The following GRAMD1A variants were observed in gnomAD, a reference collection of about 807,000 sequenced individuals.
The protein encoded by GRAMD1A is GRAM domain containing 1A.
Under a neutral mutation model 92.0 loss-of-function variants are expected in GRAMD1A, and 50 were observed. That is an observed-to-expected ratio of 0.54 (90% CI 0.43 to 0.69). The LOEUF (loss-of-function observed/expected upper bound fraction) is 0.69. Ranked by LOEUF, GRAMD1A falls within the 30% of genes least tolerant of loss-of-function variation. The pLI, the probability that GRAMD1A is intolerant of heterozygous loss-of-function variation, is 0.00. For synonymous variants in GRAMD1A, 405 were observed against 403.6 expected (o/e 1.00, Z -0.04); for missense variants, 819 against 978.9 (o/e 0.84, Z 2.18).
At chr19:35,014,027 C>T (rs1439235311) in intron 9 of GRAMD1A, among the ~76,000 whole-genome samples, 162 bp from the exon 10 acceptor site, 1 of 152,172 alleles carries the variant, frequency 6.6e-6, no homozygotes, top group Non-Finnish European at 1.5e-5. Flanking sequence ...GAGGGGCCCT[C>T]ATCTGGGTGG....
At chr19:35,011,630 G>A (rs3746258) in intron 7 of GRAMD1A, 76 bp downstream of exon 7, 123,685 of 1,048,464 alleles carry the variant, frequency 0.12, 9,404 homozygotes, top group African/African-American at 0.35. Context: ...CAGAACTTGC[G>A]GAGCTGGAGG....
At chr19:35,006,037 A>T (rs2014789118) in intron 1 of GRAMD1A, 1 of 454,432 alleles carries the variant, frequency 2.2e-6, no homozygotes, top group Non-Finnish European at 4.4e-6. Context: ...AAATAAACCA[A>T]GCCCATGGCC....
At position 35,021,590 on chromosome 19, in the gene GRAMD1A, T is replaced by C; in HGVS notation, c.1564T>C (p.Tyr522His). Residue 522 changes from tyrosine (Y) to histidine (H), a missense_variant, in exon 14 of 20, where the codon TAT (tyrosine) becomes CAT (histidine). Tyr to His is a moderately conservative substitution (Grantham distance 83, BLOSUM62 2). Coordinates refer to ENST00000317991, the MANE Select transcript of GRAMD1A (RefSeq NM_020895.5). The surrounding 1 kb of genome is among the most constrained non-coding windows in gnomAD (Gnocchi z 5.3). Reference protein sequence around the residue: ...EKNSWSGIEDYFHHLERELAK... With the variant: ...EKNSWSGIEDHFHHLERELAK... Reference sequence around the variant, plus strand: ...GAACTCGTGGAGCGGCATTGAAGACTATTTCCACCATCTGGGTAGGGACAG... The same window carrying C: ...GAACTCGTGGAGCGGCATTGAAGACCATTTCCACCATCTGGGTAGGGACAG... 1 of 1,614,016 alleles carries C rather than the reference T, an allele frequency of 6.2e-7. No homozygotes were observed. Among genetic ancestry groups the C allele is most frequent in the Non-Finnish European group, 8.5e-7 (1 of 1,179,830 alleles).
intron 1 of GRAMD1A, among the ~76,000 whole-genome samples, chr19:34,995,002 G>A (rs2013971162): frequency 1.3e-5 from 2 of 152,216 alleles, no homozygotes; most frequent in Non-Finnish European, 2.9e-5. Context: ...CTGCGGTCTG[G>A]CCTCCCCAGA....
At chr19:34,998,299 T>A (rs865975679), upstream of GRAMD1A, 4 of 20,584 alleles carry the variant, frequency 1.9e-4, no homozygotes, top group Non-Finnish European at 3.9e-4. Flanking sequence ...ATTTTCTTCC[T>A]TTTTTTTTTT....
upstream of GRAMD1A, among the ~76,000 whole-genome samples, chr19:34,997,583 C>T (rs1420108217): frequency 1.3e-5 from 2 of 152,154 alleles, no homozygotes; most frequent in African/African-American, 4.8e-5. Context: ...ACAAGGGACA[C>T]TCCATAAGCG....
At chr19:35,022,656 C>T (rs566982173) in intron 16 of GRAMD1A, among the ~76,000 whole-genome samples, 1 of 152,318 alleles carries the variant, frequency 6.6e-6, no homozygotes, top group South Asian at 2.1e-4. Context: ...CAGAAGCCTG[C>T]AGGAGTTGGC....
upstream of GRAMD1A, chr19:34,996,071 G>A: frequency 6.5e-7 from 1 of 1,535,954 alleles, no homozygotes; most frequent in South Asian, 1.2e-5. Flanking sequence ...GTTGGCACAG[G>A]GCAGTCCCCA....
At chr19:35,025,626 G>C (rs569845061) in intron 19 of GRAMD1A, among the ~76,000 whole-genome samples, 1 of 152,344 alleles carries the variant, frequency 6.6e-6, no homozygotes, top group East Asian at 1.9e-4. Flanking sequence ...AGGTCACAGA[G>C]TGGGTAATGG....
chr19:35,022,951 A>ACCCCACCCCTGCTGCAGCCTCTTCT (rs2016178119), intron 17 of GRAMD1A, 40 bp downstream of exon 17: 2 of 1,153,588 alleles, frequency 1.7e-6, no homozygotes, highest in African/African-American at 3.7e-5. Flanking sequence ...CCCTCCCTGC[A>ACCCCACCCCTGCTGCAGCCTCTTCT]CCCCACCCCT....
At chr19:35,017,468 G>A (rs1415226048) in intron 11 of GRAMD1A, among the ~76,000 whole-genome samples, 4 of 151,996 alleles carry the variant, frequency 2.6e-5, no homozygotes, top group African/African-American at 9.7e-5. Flanking sequence ...AAGAAACAAA[G>A]AGAAACTCCC....
rs933115267 is a variant in GRAMD1A at position 35,015,692 on chromosome 19, C to T, written c.1070-132C>T. 8 of 780,514 alleles carry T rather than the reference C, an allele frequency of 1.0e-5. No homozygotes were observed. The African/African-American group carries it at 1.1e-4, about 10-fold the overall frequency. 48.3% of individuals were successfully genotyped at this position (780,514 alleles called of 1,614,324 possible). A position where few individuals can be genotyped will look rare whatever the true frequency, so the allele number is the denominator to read the frequency against. On this transcript the variant is annotated intron_variant, in intron 10 of 19. Coordinates refer to ENST00000317991, the MANE Select transcript of GRAMD1A (RefSeq NM_020895.5). ...CCTGAGTCACAGGAGGGCTCTGTGT[C>T]AGTGTCCAGCTGTGCTCCAGGAGGT...
Position 35,011,455 on chromosome 19 carries a change from C to T in GRAMD1A, c.526-19C>T. The stretch of plus-strand genomic sequence containing the variant: ...CTCCCCAACCTGCTCACACCTCTCT[C>T]TCTCTCTCTCCCTGACAGCATTTCT... On this transcript the variant is annotated intron_variant, in intron 6 of 19. Coordinates refer to ENST00000317991, the MANE Select transcript of GRAMD1A (RefSeq NM_020895.5). 1 of 1,595,108 alleles carries T rather than the reference C, an allele frequency of 6.3e-7. No individual in the cohort carries two copies.
chr19:35,007,076 G>C (rs1034004273), intron 1 of GRAMD1A, among the ~76,000 whole-genome samples: 31 of 152,228 alleles, frequency 2.0e-4, no homozygotes, highest in African/African-American at 7.0e-4. Flanking sequence ...GAGGTTCCAG[G>C]GCCAAATCAC....
chr19:35,022,761 C>CCTCAGCT (rs1181360272), intron 16 of GRAMD1A, 139 bp from the exon 17 acceptor site: 19 of 648,186 alleles, frequency 2.9e-5, no homozygotes, highest in African/African-American at 1.9e-4. Flanking sequence ...AGCCTCTGAG[C>CCTCAGCT]CTCAGCTCTC....
rs770069889 is a variant in GRAMD1A, at chr19:35,019,420, C to T, written c.1362C>T (p.Gly454=). ...TGTTCCGGCGCGGCCCCCAGGCCGG[C>T]GGGTGTGTGGTGGACTCCGAGGTGC... ...QTLFRRGPQA[G]GCVVDSEVLT... Residue 454 remains glycine, a synonymous_variant, in exon 13 of 20, where the codon GGC becomes GGT. Coordinates refer to ENST00000317991, the MANE Select transcript of GRAMD1A (RefSeq NM_020895.5). 8.6e-5 allele frequency: 138 copies of T among 1,613,720 alleles called. No individual in the cohort carries two copies. The highest frequency in any genetic ancestry group is 1.6e-4 in the Middle Eastern group (1 of 6,084).
chr19:35,005,918 G>A lies in GRAMD1A; in HGVS notation c.9-3201G>A, dbSNP rs80163042. The A allele has an allele frequency of 1.6e-3, 752 of 456,298 alleles. 17 individuals are homozygous for A. In the East Asian group the frequency reaches 0.046, roughly 28 times the overall value. The allele number at this position is 456,298 out of a possible 1,614,324, so 28.3% of individuals were successfully genotyped here. A position where few individuals can be genotyped will look rare whatever the true frequency, so the allele number is the denominator to read the frequency against. On this transcript the variant is annotated intron_variant, in intron 1 of 19. Coordinates refer to ENST00000317991, the MANE Select transcript of GRAMD1A (RefSeq NM_020895.5). Reference sequence around the variant, plus strand: ...GATCTGGACAGACAGAATGGCATATGTTAAGGCTTGGAGGTAAGAGAGACA... The same window carrying A: ...GATCTGGACAGACAGAATGGCATATATTAAGGCTTGGAGGTAAGAGAGACA...
In GRAMD1A at chr19:35,014,360, A is replaced by T. The variant is rs1600309415; in HGVS notation, c.1042A>T (p.Asn348Tyr). The T allele has an allele frequency of 6.2e-7, 1 of 1,614,128 alleles. No homozygotes were observed. Among genetic ancestry groups the T allele is most frequent in the East Asian group, 2.2e-5 (1 of 44,882 alleles). ...PSEELLTDTS[N>Y]SSSSTGEEAD... ...TGAGGAGCTATTGACAGACACAAGTAACTCCTCTTCATCCACTGGGGAGGA... is the reference window on the plus strand; with the variant it reads ...TGAGGAGCTATTGACAGACACAAGTTACTCCTCTTCATCCACTGGGGAGGA... Residue 348 changes from asparagine (N) to tyrosine (Y), a missense_variant, in exon 10 of 20, where the codon AAC (asparagine) becomes TAC (tyrosine). Around this residue, in one of 3 missense-constraint regions of GRAMD1A, gnomAD observed 577 missense variants for 674.6 expected, o/e 0.86. Transcript: ENST00000317991.
At chr19:35,023,646 A>C (rs2016244611) in intron 19 of GRAMD1A, 99 bp downstream of exon 19, 29 of 1,142,350 alleles carry the variant, frequency 2.5e-5, no homozygotes, top group South Asian at 3.4e-5. Context: ...TCCGGATCTC[A>C]GTGTCCTCCT....
Sources: gnomAD v4.1 joint callset for allele counts (sites outside exome capture counted in the v4.1 genomes callset) on GRCh38, gnomAD v4.1.1 for gene constraint, gnomAD v4.1.1 regional missense constraint, Gnocchi (gnomAD v3.1) non-coding constraint, MANE v1.5 for transcripts, NCBI Gene and HGNC (gene_info 2026-07-23, HGNC 2026-07-21) for gene names.